Variants in RTN3 observed in about 807,000 individuals in gnomAD.
The protein encoded by RTN3 is reticulon-3.
RTN3 carries 49 observed loss-of-function variants against 77.8 expected under a neutral mutation model. The ratio of observed to expected loss-of-function variants is 0.63; its 90% CI spans 0.50 to 0.80. RTN3 has a LOEUF of 0.80. Among genes scored for constraint, RTN3 ranks in the 30% least tolerant of loss-of-function variants. The probability of loss-of-function intolerance (pLI) is 0.00; values close to 1 mark genes in which losing one functional copy is unlikely to be tolerated. For synonymous variants in RTN3, 464 were observed against 446.9 expected, an observed-to-expected ratio of 1.04 and a Z score of -0.48; for missense variants, 1,236 against 1,211.9, an observed-to-expected ratio of 1.02 and a Z score of -0.29.
rs2957255 is a variant in RTN3 at position 63,724,283 on chromosome 11, C to T, written c.2530+3251C>T. ...CTGCAAGCTCTGCCTCCCGGGTTCA[C>T]GCCATTCTCCTGCCTCAGCCTCCCG... On this transcript the variant is annotated intron_variant, in intron 3 of 8. Coordinates refer to ENST00000377819, the MANE Select transcript of RTN3 (RefSeq NM_001265589.2). 6.9e-3 allele frequency among the ~76,000 whole-genome samples: 963 copies of T among 139,308 alleles called. 11 individuals are homozygous for T. The highest frequency in any genetic ancestry group is 0.024 in the African/African-American group (906 of 37,254). The allele number at this position is 139,308 out of a possible 152,430, so 91.4% of individuals were successfully genotyped here.
intron 1 of RTN3, among the ~76,000 whole-genome samples, chr11:63,684,108 C>T (rs185853463): frequency 1.0e-3 from 147 of 144,660 alleles, no homozygotes; most frequent in African/African-American, 3.7e-3. Context: ...TGTGCCACCA[C>T]GCGTGGTTAA....
At position 63,758,142 on chromosome 11, in the gene RTN3, CCTT is replaced by C. The variant is rs1302054657; in HGVS notation, c.3054-13_3054-11del. The C allele has an allele frequency of 6.5e-7, 1 of 1,547,422 alleles. No individual in the cohort carries two copies. Among genetic ancestry groups the C allele is most frequent in the Non-Finnish European group, 8.8e-7 (1 of 1,138,092 alleles). On this transcript the variant is annotated splice_polypyrimidine_tract_variant and intron_variant, in intron 8 of 8. Transcript: ENST00000377819. Reference sequence around the variant, plus strand: ...TTTTCACTTTCTTTCTTTTTCCCCTCCTTTTCTCAATAGGATCCAAGCAAAACT... The same window carrying C: ...TTTTCACTTTCTTTCTTTTTCCCCTCTTCTCAATAGGATCCAAGCAAAACT...
intron 2 of RTN3, among the ~76,000 whole-genome samples, chr11:63,705,702 A>G (rs996739184): frequency 2.0e-5 from 3 of 152,232 alleles, no homozygotes; most frequent in African/African-American, 4.8e-5. Flanking sequence ...GCTAGTTCCA[A>G]ATTGCCTACA....
chr11:63,695,798 T>C (rs561198384), intron 1 of RTN3, among the ~76,000 whole-genome samples: 1 of 152,150 alleles, frequency 6.6e-6, no homozygotes, highest in Admixed American at 6.5e-5. Flanking sequence ...TAAGGAGACA[T>C]GATGACAAAA....
Position 63,720,893 on chromosome 11 carries a change from C to G in RTN3, c.2391C>G (p.Val797=). The G allele has an allele frequency of 6.2e-7, 1 of 1,614,052 alleles. No individual in the cohort carries two copies. Among genetic ancestry groups the G allele is most frequent in the Non-Finnish European group, 8.5e-7 (1 of 1,180,022 alleles). The change falls in exon 3 of 9, where the codon GTC becomes GTG. Residue 797 remains valine, a synonymous_variant. Coordinates refer to ENST00000377819, the MANE Select transcript of RTN3 (RefSeq NM_001265589.2). ...QRSYDILERN[V]KNGSDLGISQ... ...CATATGACATCCTAGAACGTAATGT[C>G]AAGAATGGATCTGATCTTGGGATTT...
At chr11:63,747,730 G>A (rs939936546) in intron 3 of RTN3, among the ~76,000 whole-genome samples, 2 of 152,126 alleles carry the variant, frequency 1.3e-5, no homozygotes, top group Non-Finnish European at 1.5e-5. Context: ...TCATTTTATC[G>A]CAAATAAGTC....
chr11:63,757,319 A>G (rs1283700100), intron 8 of RTN3, among the ~76,000 whole-genome samples: 2 of 152,166 alleles, frequency 1.3e-5, no homozygotes, highest in Admixed American at 1.3e-4. Flanking sequence ...CCTAGAGGAC[A>G]GTATTTTTTT....
At chr11:63,694,179 G>T (rs28754512) in intron 1 of RTN3, among the ~76,000 whole-genome samples, 11 of 145,776 alleles carry the variant, frequency 7.5e-5, no homozygotes, top group East Asian at 2.0e-4. Context: ...ATTAATTATG[G>T]TTTTTTTTTT....
At chr11:63,699,518 C>T (rs142019650) in intron 1 of RTN3, among the ~76,000 whole-genome samples, 1 of 152,262 alleles carries the variant, frequency 6.6e-6, no homozygotes, top group African/African-American at 2.4e-5. Context: ...TCAGTTCCGT[C>T]CATGCTCTAC....
intron 3 of RTN3, among the ~76,000 whole-genome samples, chr11:63,734,883 A>T (rs997886443): frequency 6.6e-6 from 1 of 152,194 alleles, no homozygotes; most frequent in African/African-American, 2.4e-5. Context: ...TGCAGATGAC[A>T]TGATTGTTTA....
At chr11:63,697,593 G>T (rs1360276888) in intron 1 of RTN3, among the ~76,000 whole-genome samples, 1 of 151,736 alleles carries the variant, frequency 6.6e-6, no homozygotes, top group East Asian at 1.9e-4. Context: ...CTCCTACCTT[G>T]GCCTCCCGAG....
At chr11:63,743,165 T>G (rs1220343667) in intron 3 of RTN3, among the ~76,000 whole-genome samples, 1 of 152,220 alleles carries the variant, frequency 6.6e-6, no homozygotes, top group African/African-American at 2.4e-5. Context: ...CCTCCCAAAG[T>G]GCTGGGATTA....
chr11:63,719,530 A>C lies in RTN3; in HGVS notation c.1028A>C (p.Asp343Ala), dbSNP rs1206780306. Residue 343 changes from aspartate (D) to alanine (A), a missense_variant, in exon 3 of 9, where the codon GAT becomes GCT. Asp to Ala is a moderately radical substitution (Grantham distance 126, BLOSUM62 -2). Around this residue, in one of 3 missense-constraint regions of RTN3, gnomAD observed 1,056 missense variants for 990.4 expected, o/e 1.07. Transcript: ENST00000377819. ...TTTACTAACGAAATACTGACTTGGG[A>C]TCTGGTTCCCCAAGTGAAACAACAG... ...HNFTNEILTW[D>A]LVPQVKQQTD... 1 of 1,614,176 alleles carries C rather than the reference A, an allele frequency of 6.2e-7. No homozygotes were observed.
At chr11:63,737,514 G>A (rs1309156942) in intron 3 of RTN3, among the ~76,000 whole-genome samples, 2 of 152,140 alleles carry the variant, frequency 1.3e-5, no homozygotes, top group African/African-American at 4.8e-5. Context: ...GGAGACTGAG[G>A]GAAGAGAATC....
Position 63,720,658 on chromosome 11 carries a change from G to A in RTN3, c.2156G>A (p.Gly719Glu). ...AGTGAACAAAGCAAAGAAACAAATG[G>A]AAGTGAGCCTCTAGGTGTTTTCCCT... ...KYSEQSKETNGSEPLGVFPTQ... is the reference protein window; with the variant it reads ...KYSEQSKETNESEPLGVFPTQ... The change falls in exon 3 of 9, where the codon GGA becomes GAA. Residue 719 changes from glycine to glutamate, a missense_variant. Coordinates refer to ENST00000377819, the MANE Select transcript of RTN3 (RefSeq NM_001265589.2). The A allele has an allele frequency of 6.2e-7, 1 of 1,614,070 alleles. No homozygotes were observed. The highest frequency in any genetic ancestry group is 8.5e-7 in the Non-Finnish European group (1 of 1,179,996).
chr11:63,683,873 C>G (rs180960449), intron 1 of RTN3, among the ~76,000 whole-genome samples: 2 of 150,612 alleles, frequency 1.3e-5, no homozygotes, highest in Admixed American at 1.3e-4. Context: ...CATGAGTTTG[C>G]ATTACATTTT....
intron 1 of RTN3, among the ~76,000 whole-genome samples, chr11:63,694,269 C>G (rs1007789437): frequency 6.6e-6 from 1 of 151,504 alleles, no homozygotes; most frequent in African/African-American, 2.4e-5. Flanking sequence ...CTCCGCCTCC[C>G]GGGTTCAAGC....
At chr11:63,728,905 AAAAAGAAAAG>A (rs377687141) in intron 3 of RTN3, among the ~76,000 whole-genome samples, 17 of 148,422 alleles carry the variant, frequency 1.1e-4, no homozygotes, top group Middle Eastern at 3.5e-3. Context: ...AAAAAAAAGA[AAAAAGAAAAG>A]AAAGTAGCTA....
intron 3 of RTN3, among the ~76,000 whole-genome samples, chr11:63,740,055 A>G (rs1057022950): frequency 2.0e-5 from 3 of 152,140 alleles, no homozygotes; most frequent in Admixed American, 6.6e-5. Flanking sequence ...TACTACCTAC[A>G]TGTTGATAAC....
Sources: gnomAD v4.1 joint callset for allele counts (sites outside exome capture counted in the v4.1 genomes callset) on GRCh38, gnomAD v4.1.1 for gene constraint, gnomAD v4.1.1 regional missense constraint, MANE v1.5 for transcripts, NCBI Gene and HGNC (gene_info 2026-07-23, HGNC 2026-07-21) for gene names.